The following SDC3 variants were observed in gnomAD, a reference collection of about 807,000 sequenced individuals.
SDC3 encodes syndecan-3.
Under a neutral mutation model 24.4 loss-of-function variants are expected in SDC3, and 13 were observed. The observed-to-expected ratio is 0.53, with a 90% CI of 0.35 to 0.85. The LOEUF (loss-of-function observed/expected upper bound fraction) is 0.85. Among genes scored for constraint, SDC3 ranks in the 40% least tolerant of loss-of-function variants. SDC3 has a pLI of 0.01. For missense variants in SDC3, 571 were observed against 584.5 expected, an observed-to-expected ratio of 0.98 and a Z score of 0.24; for synonymous variants, 295 against 260.9, an observed-to-expected ratio of 1.13 and a Z score of -1.26.
chr1:30,896,058 C>T (rs753431229), intron 1 of SDC3, among the ~76,000 whole-genome samples: 6 of 152,152 alleles, frequency 3.9e-5, no homozygotes, highest in Admixed American at 6.5e-5. Flanking sequence ...ACTGGGTGCC[C>T]ACTGCTCCCT....
rs1162614651 is a variant in SDC3 at position 30,870,344 on chromosome 1, T to G, written c.*2867A>C. 1 of 158,720 alleles carries G rather than the reference T, an allele frequency of 6.3e-6. No individual in the cohort carries two copies. The highest frequency in any genetic ancestry group is 1.8e-4 in the East Asian group (1 of 5,542). The allele number at this position is 158,720 out of a possible 1,614,324, so 9.8% of individuals were successfully genotyped here. A position where few individuals can be genotyped will look rare whatever the true frequency, so the allele number is the denominator to read the frequency against. On this transcript the variant is annotated 3_prime_UTR_variant, in exon 5 of 5. Coordinates refer to ENST00000339394, the MANE Select transcript of SDC3 (RefSeq NM_014654.4). Reference sequence around the variant, plus strand: ...CCAGGTCCTGGCCTGCCTCGTGCTCTGGCAGCCAAGGCCCCAGAGGCTCTC... The same window carrying G: ...CCAGGTCCTGGCCTGCCTCGTGCTCGGGCAGCCAAGGCCCCAGAGGCTCTC...
intron 1 of SDC3, among the ~76,000 whole-genome samples, chr1:30,891,384 A>C (rs991150201): frequency 2.6e-5 from 4 of 151,914 alleles, no homozygotes; most frequent in African/African-American, 9.7e-5. Context: ...GGTGGTTTCC[A>C]CTCTACTCTC....
At chr1:30,895,851 G>A (rs1015895682) in intron 1 of SDC3, among the ~76,000 whole-genome samples, 56 of 147,426 alleles carry the variant, frequency 3.8e-4, no homozygotes, top group Non-Finnish European at 4.8e-4. Context: ...CGAGTAAGAG[G>A]AGGAGGGTGG....
chr1:30,875,467 G>A (rs1287254010), intron 3 of SDC3, among the ~76,000 whole-genome samples: 2 of 152,184 alleles, frequency 1.3e-5, no homozygotes, highest in African/African-American at 2.4e-5. Flanking sequence ...TGCTAGAGCT[G>A]GCTGGGGAGT....
Position 30,877,147 on chromosome 1 carries a change from C to T in SDC3, c.275G>A (p.Gly92Asp), listed in dbSNP as rs1639659212. 1.2e-6 allele frequency: 2 copies of T among 1,613,730 alleles called. No homozygotes were observed. The highest frequency in any genetic ancestry group is 1.1e-5 in the South Asian group (1 of 91,048). Reference sequence around the variant, plus strand: ...GCTGAAGCGCATGGCTGTCTCAATGCCCGACTCCTGCTCGAAGTCTGAGGG... The same window carrying T: ...GCTGAAGCGCATGGCTGTCTCAATGTCCGACTCCTGCTCGAAGTCTGAGGG... ...SGSGYFEQES[G>D]IETAMRFSPD... Residue 92 changes from glycine (G) to aspartate (D), a missense_variant, in exon 3 of 5, where the codon GGC (glycine) becomes GAC (aspartate). Transcript: ENST00000339394.
chr1:30,887,575 G>A (rs192661597), intron 1 of SDC3, among the ~76,000 whole-genome samples: 69 of 152,214 alleles, frequency 4.5e-4, no homozygotes, highest in African/African-American at 1.7e-3. Context: ...CAGCTAGTCT[G>A]CAAAACCAGG....
At chr1:30,895,075 A>G (rs1356534542) in intron 1 of SDC3, among the ~76,000 whole-genome samples, 2 of 152,026 alleles carry the variant, frequency 1.3e-5, no homozygotes, top group Admixed American at 1.3e-4. Flanking sequence ...CTTAATCCAC[A>G]GTGTTGCGGG....
chr1:30,893,152 G>A (rs968870696), intron 1 of SDC3, among the ~76,000 whole-genome samples: 2 of 152,166 alleles, frequency 1.3e-5, no homozygotes, highest in Non-Finnish European at 2.9e-5. Flanking sequence ...TGCTGAGGGT[G>A]GGGAAGGTGC....
In SDC3 at chr1:30,908,486, G is replaced by A; in HGVS notation, c.101C>T (p.Pro34Leu). 2.0e-6 allele frequency: 2 copies of A among 1,018,082 alleles called. No homozygotes were observed. The highest frequency in any genetic ancestry group is 2.4e-6 in the Non-Finnish European group (2 of 850,886). 63.1% of individuals were successfully genotyped at this position (1,018,082 alleles called of 1,614,324 possible). ...CCCCGCCAGCAGCAGCAGCAGCAGC[G>A]GTGGCAGGAGCAGCCCGCGGGCCCC... ...GPGARGLLLP[P>L]LLLLLLAGRA... The change falls in exon 1 of 5, where the codon CCG becomes CTG. Residue 34 changes from proline to leucine, a missense_variant. Physicochemically the swap from Pro to Leu is moderately conservative, Grantham distance 98. Coordinates refer to ENST00000339394, the MANE Select transcript of SDC3 (RefSeq NM_014654.4).
At chr1:30,893,544 G>A (rs538735343) in intron 1 of SDC3, among the ~76,000 whole-genome samples, 23 of 151,938 alleles carry the variant, frequency 1.5e-4, no homozygotes, top group African/African-American at 3.6e-4. Context: ...TCATGGAGGC[G>A]TCCCCATCCC....
intron 4 of SDC3, among the ~76,000 whole-genome samples, chr1:30,873,823 T>C (rs1639584461): frequency 6.6e-6 from 1 of 152,246 alleles, no homozygotes; most frequent in South Asian, 2.1e-4. Flanking sequence ...GAAGGAAGAC[T>C]GGAGAGGTGA....
chr1:30,890,964 G>C (rs984029429), intron 1 of SDC3, among the ~76,000 whole-genome samples: 2 of 152,166 alleles, frequency 1.3e-5, no homozygotes. Context: ...TTGTCAGGTG[G>C]GGCCAGTGGA....
rs535182870 is a variant in SDC3 at position 30,891,689 on chromosome 1, C to T, written c.139-12949G>A. On this transcript the variant is annotated intron_variant, in intron 1 of 4. Coordinates refer to ENST00000339394, the MANE Select transcript of SDC3 (RefSeq NM_014654.4). ...TCAGGAGTTCGAGACCCCGTCTCTA[C>T]TAAAAATACAAAAATTAGCTGGGCA... Among the ~76,000 whole-genome samples, 15 of 151,836 alleles carry T rather than the reference C, an allele frequency of 9.9e-5. No individual in the cohort carries two copies. The South Asian group carries it at 2.9e-3, about 30-fold the overall frequency.
intron 1 of SDC3, among the ~76,000 whole-genome samples, chr1:30,892,018 C>A (rs189860782): frequency 6.6e-6 from 1 of 151,618 alleles, no homozygotes; most frequent in Non-Finnish European, 1.5e-5. Flanking sequence ...CCAGTGCTCA[C>A]CCCCCCAACC....
At chr1:30,891,850 CAAAAAAA>C (rs11433428) in intron 1 of SDC3, among the ~76,000 whole-genome samples, 1 of 118,832 alleles carries the variant, frequency 8.4e-6, no homozygotes, top group African/African-American at 3.3e-5. Flanking sequence ...GAGACGCCGT[CAAAAAAA>C]AAAAAAAAAG....
Position 30,876,853 on chromosome 1 carries a change from G to C in SDC3, c.569C>G (p.Thr190Ser). The stretch of plus-strand genomic sequence containing the variant: ...GGCCGTAAAAGGGGGTGCTGCAGGG[G>C]TGCTGGGGGTGGCGGTGGCCACTGT... ...PATVATATPS[T>S]PAAPPFTATT... is the part of the protein sequence containing the mutation. Residue 190 changes from threonine to serine, a missense_variant, in exon 3 of 5, where the codon ACC (threonine) becomes AGC (serine). Thr to Ser is a moderately conservative substitution (Grantham distance 58, BLOSUM62 1). Transcript: ENST00000339394. The C allele has an allele frequency of 6.2e-7, 1 of 1,613,594 alleles. No individual in the cohort carries two copies. The highest frequency in any genetic ancestry group is 8.5e-7 in the Non-Finnish European group (1 of 1,179,818).
rs371017936 is a variant in SDC3, at chr1:30,878,884, G to A, written c.139-144C>T. ...TTGTGTGTACCCTGAAGGAAAGTGC[G>A]TGTGTGAATAATTCACAGGGCAGGG... is the stretch of plus-strand genomic sequence containing the variant. On this transcript the variant is annotated intron_variant, in intron 1 of 4. Coordinates refer to ENST00000339394, the MANE Select transcript of SDC3 (RefSeq NM_014654.4). 2.3e-4 allele frequency: 153 copies of A among 664,242 alleles called. 2 individuals are homozygous for A. The highest frequency in any genetic ancestry group is 2.1e-3 in the South Asian group (120 of 56,386). 41.1% of individuals were successfully genotyped at this position (664,242 alleles called of 1,614,324 possible).
At chr1:30,878,945 G>A (rs1213225830) in intron 1 of SDC3, 3 of 549,538 alleles carry the variant, frequency 5.5e-6, no homozygotes, top group Non-Finnish European at 9.8e-6. Flanking sequence ...TCCCATCCCA[G>A]AAGGCTTTCA....
chr1:30,877,648 G>A (rs1043921629), intron 2 of SDC3: 6 of 190,592 alleles, frequency 3.1e-5, no homozygotes, highest in Non-Finnish European at 6.5e-5. Context: ...AGCCCTTGAG[G>A]CAGGGGAACT....
Sources: allele counts gnomAD v4.1 joint callset (sites outside exome capture counted in the v4.1 genomes callset), GRCh38; gene constraint gnomAD v4.1.1; transcripts MANE v1.5; gene names NCBI Gene and HGNC (gene_info 2026-07-23, HGNC 2026-07-21).